CMYA5: variants seen among roughly 807,000 people sequenced by gnomAD.
The protein encoded by CMYA5 is cardiomyopathy associated 5, also known as cardiomyopathy-associated protein 5.
CMYA5 carries 246 observed loss-of-function variants against 318.9 expected under a neutral mutation model. The observed-to-expected ratio is 0.77, with a 90% confidence interval of 0.70 to 0.86. CMYA5 has a LOEUF of 0.86. Ranked by LOEUF, CMYA5 falls within the 40% of genes least tolerant of loss-of-function variation. CMYA5 has a pLI of 0.00. For synonymous variants in CMYA5, 1,641 were observed against 1,729.5 expected (o/e 0.95, Z 1.27); for missense variants, 4,589 against 4,678.2 (o/e 0.98, Z 0.56).
intron 6 of CMYA5, among the ~76,000 whole-genome samples, chr5:79,753,153 A>G (rs1463610260): frequency 6.6e-6 from 1 of 152,072 alleles, no homozygotes; most frequent in East Asian, 1.9e-4. Context: ...AAAGAAGTCA[A>G]ATGTTTTCCT....
In CMYA5 at chr5:79,722,430, A is replaced by C. The variant is rs184291968; in HGVS notation, c.150-6485A>C. Among the ~76,000 whole-genome samples, 672 of 152,208 alleles carry C rather than the reference A, an allele frequency of 4.4e-3. 5 individuals carry two copies. The highest frequency in any genetic ancestry group is 0.015 in the African/African-American group (637 of 41,538). ...AGTGGCTCATGCATGTAATCCCAGC[A>C]CTTTGGGAGACTGAGCTGGGCAGAT... On this transcript the variant is annotated intron_variant, in intron 1 of 12. Coordinates refer to ENST00000446378, the MANE Select transcript of CMYA5 (RefSeq NM_153610.5).
At chr5:79,695,867 A>T (rs1046116900) in intron 1 of CMYA5, among the ~76,000 whole-genome samples, 2 of 152,190 alleles carry the variant, frequency 1.3e-5, no homozygotes, top group African/African-American at 4.8e-5. Context: ...CAGGCACAAT[A>T]TGTGGTTAGG....
rs1827891567 is a variant in CMYA5 at position 79,731,262 on chromosome 5, CTG to C, written c.2499_2500del (p.Val835ArgfsTer18). On this transcript the variant is annotated frameshift_variant, in exon 2 of 13. Transcript: ENST00000446378. LOFTEE classifies it high-confidence loss of function. ...KPKGISEHTV[L>X]SVDGKEVIGP... is the part of the protein sequence containing the mutation. ...AAAAGGTATTTCTGAGCACACAGTT[CTG>C]TCAGTAGACGGCAAGGAGGTCATTG... is the stretch of plus-strand genomic sequence containing the variant. 1.2e-6 allele frequency: 2 copies of C among 1,614,010 alleles called. No homozygotes were observed. The highest frequency in any genetic ancestry group is 2.2e-5 in the South Asian group (2 of 91,074).
chr5:79,730,321 C>A lies in CMYA5; in HGVS notation c.1556C>A (p.Pro519His). 6.2e-7 allele frequency: 1 copy of A among 1,613,684 alleles called. No individual in the cohort carries two copies. The highest frequency in any genetic ancestry group is 2.2e-5 in the East Asian group (1 of 44,868). ...ACTTCCCTACCCATAGCTATTACCC[C>A]TGAACCTGAAGATTCTAATTTAGTA... ...IETSLPIAIT[P>H]EPEDSNLVEE... Residue 519 changes from proline to histidine, a missense_variant, in exon 2 of 13, where the codon CCT (proline) becomes CAT (histidine). Pro to His is a moderately conservative substitution (Grantham distance 77, BLOSUM62 -2). Transcript: ENST00000446378.
intron 3 of CMYA5, among the ~76,000 whole-genome samples, chr5:79,744,172 T>C (rs551711877): frequency 6.6e-6 from 1 of 152,364 alleles, no homozygotes; most frequent in African/African-American, 2.4e-5. Context: ...CTTACTATAA[T>C]AGGGCAAATG....
chr5:79,775,959 T>C (rs1372811188), intron 9 of CMYA5, among the ~76,000 whole-genome samples: 7 of 152,172 alleles, frequency 4.6e-5, no homozygotes, highest in Admixed American at 4.6e-4. Flanking sequence ...AGGGTAACTA[T>C]AGAGAAAACA....
Position 79,735,607 on chromosome 5 carries a change from T to C in CMYA5, c.6842T>C (p.Ile2281Thr). ...GAAGATTTACAACAGCCAAAATTCA[T>C]TTCTGAGGTGTCTAGGGAAGATTAT... is the stretch of plus-strand genomic sequence containing the variant. ...NVEDLQQPKF[I>T]SEVSREDYGK... The change falls in exon 2 of 13, where the codon ATT becomes ACT. Residue 2281 changes from isoleucine (I) to threonine (T), a missense_variant. Coordinates refer to ENST00000446378, the MANE Select transcript of CMYA5 (RefSeq NM_153610.5). 6.2e-7 allele frequency: 1 copy of C among 1,613,602 alleles called. No individual in the cohort carries two copies. Among genetic ancestry groups the C allele is most frequent in the South Asian group, 1.1e-5 (1 of 90,998 alleles).
Position 79,739,046 on chromosome 5 carries a change from G to C in CMYA5, c.10281G>C (p.Leu3427=), listed in dbSNP as rs1482724081. 1 of 1,613,866 alleles carries C rather than the reference G, an allele frequency of 6.2e-7. No individual in the cohort carries two copies. Among genetic ancestry groups the C allele is most frequent in the Non-Finnish European group, 8.5e-7 (1 of 1,179,854 alleles). The change falls in exon 2 of 13, where the codon CTG becomes CTC. Residue 3427 remains leucine (L), a synonymous_variant. Coordinates refer to ENST00000446378, the MANE Select transcript of CMYA5 (RefSeq NM_153610.5). ...VQDEYEFTES[L]HNEVVPQDIL... ...ATGAGTATGAATTTACAGAATCCCT[G>C]CATAATGAAGTGGTTCCTCAAGACA...
At chr5:79,788,248 A>G (rs1383768146) in intron 9 of CMYA5, among the ~76,000 whole-genome samples, 1 of 149,738 alleles carries the variant, frequency 6.7e-6, no homozygotes, top group Non-Finnish European at 1.5e-5. Flanking sequence ...GCTCTAGGCT[A>G]TGATATCAAA....
At chr5:79,725,698 T>A (rs1296947846) in intron 1 of CMYA5, among the ~76,000 whole-genome samples, 2 of 152,218 alleles carry the variant, frequency 1.3e-5, no homozygotes, top group Admixed American at 1.3e-4. Context: ...AGGCCAGAAG[T>A]TCGAGGCCAG....
Position 79,732,864 on chromosome 5 carries a change from A to T in CMYA5, c.4099A>T (p.Arg1367Ter). 1 of 1,613,820 alleles carries T rather than the reference A, an allele frequency of 6.2e-7. No individual in the cohort carries two copies. ...AACTAAGCTTGATTCAAACTTAACC[A>T]GAGCAGTAAAAGAAGAAATCCCAAC... Reference protein sequence around the residue: ...SVTKLDSNLTRAVKEEIPTDS... With the variant: ...SVTKLDSNLT The change falls in exon 2 of 13, where the codon AGA (arginine) becomes TGA (stop). Residue 1367 changes from arginine (R) to a stop codon, truncating the protein, a stop_gained. Coordinates refer to ENST00000446378, the MANE Select transcript of CMYA5 (RefSeq NM_153610.5). LOFTEE classifies it high-confidence loss of function.
chr5:79,709,722 C>T (rs930298192), intron 1 of CMYA5, among the ~76,000 whole-genome samples: 1 of 151,310 alleles, frequency 6.6e-6, no homozygotes, highest in Non-Finnish European at 1.5e-5. Flanking sequence ...CTTTGGGAGG[C>T]CAAGGTGGGC....
rs1828094450 is a variant in CMYA5, at chr5:79,737,210, A to G, written c.8445A>G (p.Val2815=). The change falls in exon 2 of 13, where the codon GTA becomes GTG. Residue 2815 remains valine, a synonymous_variant. Transcript: ENST00000446378. ...SETPPYLLSP[V]KPQTLASGAS... is the part of the protein sequence containing the mutation. Reference sequence around the variant, plus strand: ...CACCGCCATATTTGCTGTCACCTGTAAAACCACAAACTCTTGCTTCAGGAG... The same window carrying G: ...CACCGCCATATTTGCTGTCACCTGTGAAACCACAAACTCTTGCTTCAGGAG... 1 of 1,613,634 alleles carries G rather than the reference A, an allele frequency of 6.2e-7. No individual in the cohort carries two copies. The highest frequency in any genetic ancestry group is 1.3e-5 in the African/African-American group (1 of 74,918).
intron 6 of CMYA5, among the ~76,000 whole-genome samples, chr5:79,753,587 A>AAAC (rs143793468): frequency 0.086 from 13,006 of 151,606 alleles, 596 homozygotes; most frequent in East Asian, 0.15. Context: ...CCATGTCTAA[A>AAAC]AACAACAACA....
rs1827947442 is a variant in CMYA5, at chr5:79,732,746, T to C, written c.3981T>C (p.Val1327=). The part of the protein sequence containing the change: ...HSASSGVEKQ[V]EHGPPALAFS... ...CTTCCTCAGGAGTGGAAAAGCAAGTTGAACATGGTCCACCTGCACTAGCAT... is the reference window on the plus strand; with the variant it reads ...CTTCCTCAGGAGTGGAAAAGCAAGTCGAACATGGTCCACCTGCACTAGCAT... The change falls in exon 2 of 13, where the codon GTT becomes GTC. Residue 1327 remains valine (V), a synonymous_variant. Transcript: ENST00000446378. The C allele has an allele frequency of 6.2e-7, 1 of 1,613,662 alleles. No homozygotes were observed. The highest frequency in any genetic ancestry group is 1.3e-5 in the African/African-American group (1 of 74,934).
intron 9 of CMYA5, among the ~76,000 whole-genome samples, chr5:79,768,257 T>A (rs1828790539): frequency 6.6e-6 from 1 of 152,240 alleles, no homozygotes; most frequent in African/African-American, 2.4e-5. Context: ...TTATCCAATG[T>A]GCCAGTCTGT....
At chr5:79,766,833 G>A (rs978693530) in intron 9 of CMYA5, among the ~76,000 whole-genome samples, 2 of 152,194 alleles carry the variant, frequency 1.3e-5, no homozygotes, top group African/African-American at 2.4e-5. Flanking sequence ...ATGAGTTAGG[G>A]AGGAGTCCTT....
At chr5:79,793,646 T>C in intron 12 of CMYA5, 36 bp downstream of exon 12, 4 of 1,566,462 alleles carry the variant, frequency 2.6e-6, no homozygotes, top group Non-Finnish European at 1.7e-6. Context: ...TTCATCAAAA[T>C]ATTATGCTTG....
At chr5:79,786,991 C>T (rs1829093777) in intron 9 of CMYA5, among the ~76,000 whole-genome samples, 1 of 152,148 alleles carries the variant, frequency 6.6e-6, no homozygotes, top group Non-Finnish European at 1.5e-5. Flanking sequence ...GACTTCAGTA[C>T]CATGTAAACC....
Sources: gnomAD v4.1 joint callset for allele counts (sites outside exome capture counted in the v4.1 genomes callset) on GRCh38, gnomAD v4.1.1 for gene constraint, MANE v1.5 for transcripts, NCBI Gene and HGNC (gene_info 2026-07-23, HGNC 2026-07-21) for gene names.